Variants in YJU2B observed in about 807,000 individuals in gnomAD.
YJU2B encodes the protein probable splicing factor YJU2B.
A neutral mutation model predicts 38.0 loss-of-function variants in YJU2B; 18 were observed. The ratio of observed to expected loss-of-function variants is 0.47; its 90% confidence interval spans 0.33 to 0.70. YJU2B has a LOEUF of 0.70. Ranked by LOEUF, YJU2B falls within the 30% of genes least tolerant of loss-of-function variation. YJU2B has a pLI of 0.02. For synonymous variants in YJU2B, 246 were observed against 225.4 expected (o/e 1.09, Z -0.82); for missense variants, 538 against 556.3 (o/e 0.97, Z 0.33).
intron 3 of YJU2B, among the ~76,000 whole-genome samples, chr19:13,755,678 G>A (rs1354590828): frequency 1.3e-5 from 2 of 151,798 alleles, no homozygotes; most frequent in African/African-American, 2.4e-5. Flanking sequence ...GAACAGGGCT[G>A]GGCGCAGTAG....
chr19:13,733,889 CTAAA>C (rs1464472248), intron 2 of YJU2B, among the ~76,000 whole-genome samples: 2 of 152,182 alleles, frequency 1.3e-5, no homozygotes, highest in Non-Finnish European at 2.9e-5. Context: ...TTAGTTTTCA[CTAAA>C]TAGATTTGAA....
chr19:13,759,239 C>T lies in YJU2B; in HGVS notation c.540C>T (p.Phe180=), dbSNP rs746805252. 6.2e-6 allele frequency: 10 copies of T among 1,612,504 alleles called. No individual in the cohort carries two copies. The highest frequency in any genetic ancestry group is 4.0e-5 in the African/African-American group (3 of 74,922). ...CCCAGAGCGCCTGGAAGGACGACTT[C>T]GCCCTCAACAGCATGCTGCGGAGAA... The part of the protein sequence containing the change: ...QEAQSAWKDD[F]ALNSMLRRRF... Residue 180 remains phenylalanine (F), a synonymous_variant, in exon 8 of 10, where the codon TTC becomes TTT. Coordinates refer to ENST00000221554, the MANE Select transcript of YJU2B (RefSeq NM_030818.4).
chr19:13,745,465 C>T (rs1973204625), upstream of YJU2B, among the ~76,000 whole-genome samples: 2 of 151,882 alleles, frequency 1.3e-5, no homozygotes. Context: ...GAATTCAACA[C>T]CAGCCTGGCC....
At chr19:13,761,729 T>G (rs1243125504) in intron 8 of YJU2B, among the ~76,000 whole-genome samples, 1 of 130,598 alleles carries the variant, frequency 7.7e-6, no homozygotes, top group Non-Finnish European at 1.5e-5. Flanking sequence ...AAAAAAAATT[T>G]TTTTTTTTTT....
chr19:13,760,786 T>C (rs1973858751), intron 8 of YJU2B, among the ~76,000 whole-genome samples: 1 of 152,010 alleles, frequency 6.6e-6, no homozygotes, highest in Non-Finnish European at 1.5e-5. Context: ...GTTTTGTTTT[T>C]GCTTAGACTG....
chr19:13,749,447 T>C (rs1973371656), intron 1 of YJU2B, among the ~76,000 whole-genome samples: 2 of 152,218 alleles, frequency 1.3e-5, no homozygotes, highest in African/African-American at 4.8e-5. Context: ...TTCATTTATA[T>C]ATTGTTTGGG....
At chr19:13,758,307 G>A (rs976021015) in intron 6 of YJU2B, among the ~76,000 whole-genome samples, 1 of 152,192 alleles carries the variant, frequency 6.6e-6, no homozygotes, top group African/African-American at 2.4e-5. Flanking sequence ...ATCAAGGTGG[G>A]CCCTGCTGGG....
Position 13,757,421 on chromosome 19 carries a change from C to T in YJU2B, c.144C>T (p.Phe48=), listed in dbSNP as rs760833880. 72 of 1,613,788 alleles carry T rather than the reference C, an allele frequency of 4.5e-5. No homozygotes were observed. The South Asian group carries it at 6.4e-4, about 14-fold the overall frequency. Reference sequence around the variant, plus strand: ...AAGATGCTGTCTGTCTTTGCAGATTCGAAATGCCATATAACATCTGGTGCG... The same window carrying T: ...AAGATGCTGTCTGTCTTTGCAGATTTGAAATGCCATATAACATCTGGTGCG... ...KLSQGILIIR[F]EMPYNIWCDG... Residue 48 remains phenylalanine, a synonymous_variant, in exon 5 of 10, where the codon TTC becomes TTT. Transcript: ENST00000221554.
intron 2 of YJU2B, among the ~76,000 whole-genome samples, chr19:13,738,892 CA>C (rs527948929): frequency 0.025 from 1,379 of 55,424 alleles, 12 homozygotes; most frequent in African/African-American, 0.08. Flanking sequence ...GACTCTGTCT[CA>C]AAAAAAAAAA....
intron 2 of YJU2B, among the ~76,000 whole-genome samples, chr19:13,740,420 G>A (rs1310095514): frequency 6.6e-6 from 1 of 152,006 alleles, no homozygotes; most frequent in East Asian, 1.9e-4. Context: ...CCATGTTGCC[G>A]AGGCTGGTCT....
At chr19:13,757,765 C>G (rs759816656) in intron 5 of YJU2B, 21 bp from the exon 6 acceptor site, 16 of 1,613,268 alleles carry the variant, frequency 9.9e-6, no homozygotes, top group Non-Finnish European at 1.3e-5. Flanking sequence ...AAATTACCAC[C>G]CCCGCCTGAC....
intron 2 of YJU2B, among the ~76,000 whole-genome samples, chr19:13,741,109 C>G (rs933128997): frequency 1.4e-5 from 2 of 147,960 alleles, no homozygotes; most frequent in Non-Finnish European, 1.5e-5. Flanking sequence ...ATGTCTGTTT[C>G]TTTCTTTGTG....
At chr19:13,753,479 C>T (rs1288731223) in intron 2 of YJU2B, among the ~76,000 whole-genome samples, 1 of 146,720 alleles carries the variant, frequency 6.8e-6, no homozygotes, top group Non-Finnish European at 1.5e-5. Flanking sequence ...GAGGCTGAGG[C>T]AGGAGAATTG....
chr19:13,746,680 G>A (rs926153464), upstream of YJU2B, among the ~76,000 whole-genome samples: 1 of 152,184 alleles, frequency 6.6e-6, no homozygotes, highest in African/African-American at 2.4e-5. Context: ...GCCAAGGCAG[G>A]CAGATCACCT....
intron 8 of YJU2B, 57 bp downstream of exon 8, chr19:13,759,329 T>C: frequency 7.1e-7 from 1 of 1,414,098 alleles, no homozygotes; most frequent in Non-Finnish European, 9.6e-7. Context: ...AAGGCCCGGG[T>C]CCAGCCCTCC....
At chr19:13,733,233 TG>T (rs1473993826) in intron 2 of YJU2B, among the ~76,000 whole-genome samples, 1 of 151,606 alleles carries the variant, frequency 6.6e-6, no homozygotes, top group African/African-American at 2.4e-5. Flanking sequence ...CCGGCCTTGC[TG>T]GAAAATTCTT....
intron 1 of YJU2B, among the ~76,000 whole-genome samples, chr19:13,749,300 G>T (rs916973961): frequency 6.6e-6 from 1 of 152,166 alleles, no homozygotes; most frequent in African/African-American, 2.4e-5. Flanking sequence ...CACCGAGTCC[G>T]GCCCCCAAGA....
In YJU2B at chr19:13,751,597, T is replaced by C. The variant is rs1387622271; in HGVS notation, c.-201-11T>C. 11 of 591,218 alleles carry C rather than the reference T, an allele frequency of 1.9e-5. No homozygotes were observed. The highest frequency in any genetic ancestry group is 3.1e-5 in the Non-Finnish European group (10 of 325,360). 36.6% of individuals were successfully genotyped at this position (591,218 alleles called of 1,614,324 possible). Reference sequence around the variant, plus strand: ...GCTGTAGAGTGGACGGGACTCTCTCTTTCTAAACAGACACGCCGCTTTTTG... The same window carrying C: ...GCTGTAGAGTGGACGGGACTCTCTCCTTCTAAACAGACACGCCGCTTTTTG... On this transcript the variant is annotated splice_polypyrimidine_tract_variant and intron_variant, in intron 1 of 9. Transcript: ENST00000221554.
At chr19:13,735,819 A>T (rs571045145) in intron 2 of YJU2B, among the ~76,000 whole-genome samples, 1 of 151,994 alleles carries the variant, frequency 6.6e-6, no homozygotes, top group Non-Finnish European at 1.5e-5. Flanking sequence ...TTGGGAAGCC[A>T]AGGCGGGCGG....
Sources: gnomAD v4.1 joint callset for allele counts (sites outside exome capture counted in the v4.1 genomes callset) on GRCh38, gnomAD v4.1.1 for gene constraint, MANE v1.5 for transcripts, NCBI Gene and HGNC (gene_info 2026-07-23, HGNC 2026-07-21) for gene names.